SYNPR: variants seen among roughly 807,000 people sequenced by gnomAD.
The protein encoded by SYNPR is synaptoporin.
SYNPR carries 23 observed loss-of-function variants against 32.9 expected under a neutral mutation model. The ratio of observed to expected loss-of-function variants is 0.70; its 90% CI spans 0.50 to 0.99. SYNPR has a LOEUF of 0.99. SYNPR is among the 50% of genes least tolerant of loss of function. The pLI is 0.00. For missense variants in SYNPR, 318 were observed against 349.3 expected (o/e 0.91, Z 0.71); for synonymous variants, 146 against 135.9 (o/e 1.07, Z -0.52).
At chr3:63,430,479 T>C (rs17394170) in intron 2 of SYNPR, among the ~76,000 whole-genome samples, 1 of 151,992 alleles carries the variant, frequency 6.6e-6, no homozygotes, top group African/African-American at 2.4e-5. Flanking sequence ...ACAAACAGTA[T>C]AACTGAAACA....
At chr3:63,382,176 CT>C (rs2087978700) in intron 2 of SYNPR, among the ~76,000 whole-genome samples, 1 of 152,210 alleles carries the variant, frequency 6.6e-6, no homozygotes, top group South Asian at 2.1e-4. Context: ...ACTGATACAA[CT>C]CCAGCAGGAG....
At chr3:63,380,065 A>G (rs1240981368) in intron 2 of SYNPR, among the ~76,000 whole-genome samples, 2 of 151,960 alleles carry the variant, frequency 1.3e-5, no homozygotes, top group South Asian at 2.1e-4. Flanking sequence ...TATGTGCCAC[A>G]TTTTCTTAAT....
At chr3:63,435,731 A>T (rs1161068694) in intron 2 of SYNPR, among the ~76,000 whole-genome samples, 2 of 152,236 alleles carry the variant, frequency 1.3e-5, no homozygotes, top group Non-Finnish European at 2.9e-5. Context: ...TGAATGTACC[A>T]TCTATATTCT....
intron 3 of SYNPR, among the ~76,000 whole-genome samples, chr3:63,528,028 G>C (rs1702046861): frequency 6.6e-6 from 1 of 152,028 alleles, no homozygotes; most frequent in African/African-American, 2.4e-5. Flanking sequence ...AACTCCTGCT[G>C]GTCTCTCACC....
the SYNPR span, chr3:63,203,068 G>GTGTGTATGTATATATATATATATATATA: frequency 1.7e-4 from 18 of 108,538 alleles, no homozygotes; most frequent in African/African-American, 7.8e-4. Context: ...ATATGTATGT[G>GTGTGTATGTATATATATATATATATATA]TATATATATA....
intron 2 of SYNPR, among the ~76,000 whole-genome samples, chr3:63,415,798 C>G (rs11914426): frequency 0.049 from 7,531 of 152,240 alleles, 616 homozygotes; most frequent in African/African-American, 0.17. Context: ...AGGTAATACC[C>G]TTTCCCTGCA....
chr3:63,445,233 A>G (rs768813983), intron 2 of SYNPR, among the ~76,000 whole-genome samples: 82 of 152,346 alleles, frequency 5.4e-4, no homozygotes, highest in Non-Finnish European at 9.1e-4. Context: ...AGGTGGCAGC[A>G]TGCATTCTGC....
At chr3:63,499,552 T>C (rs970224724) in intron 3 of SYNPR, among the ~76,000 whole-genome samples, 15 of 151,994 alleles carry the variant, frequency 9.9e-5, no homozygotes, top group Non-Finnish European at 7.4e-5. Context: ...GCCAAAATTA[T>C]AAGGAAGCAG....
chr3:63,463,644 G>A (rs755356312), intron 2 of SYNPR, among the ~76,000 whole-genome samples: 6 of 152,030 alleles, frequency 3.9e-5, no homozygotes, highest in Non-Finnish European at 5.9e-5. Flanking sequence ...CACCATGTCC[G>A]CATGACAATT....
At chr3:63,234,171 T>G (rs2106875374) in intron 1 of SYNPR, among the ~76,000 whole-genome samples, 1 of 152,194 alleles carries the variant, frequency 6.6e-6, no homozygotes, top group South Asian at 2.1e-4. Context: ...GCAAGTCACG[T>G]CTTACATGGA....
At chr3:63,241,342 C>T (rs1009079283) in intron 1 of SYNPR, among the ~76,000 whole-genome samples, 1 of 152,120 alleles carries the variant, frequency 6.6e-6, no homozygotes, top group Non-Finnish European at 1.5e-5. Context: ...ACCAAGGTAA[C>T]AGGTTCCTGA....
intron 2 of SYNPR, among the ~76,000 whole-genome samples, chr3:63,264,822 T>C (rs577189904): frequency 2.0e-5 from 3 of 151,454 alleles, no homozygotes; most frequent in African/African-American, 2.4e-5. Context: ...AAGGACGGAG[T>C]GAGGGCAAGC....
chr3:63,400,174 C>T (rs919154485), intron 2 of SYNPR, among the ~76,000 whole-genome samples: 2 of 152,210 alleles, frequency 1.3e-5, no homozygotes, highest in Non-Finnish European at 2.9e-5. Context: ...CTAATGGATA[C>T]ATGGGCTTTT....
chr3:63,553,604 CCACCCTGA>C (rs1217803881), intron 3 of SYNPR, among the ~76,000 whole-genome samples: 1 of 152,168 alleles, frequency 6.6e-6, no homozygotes, highest in Non-Finnish European at 1.5e-5. Context: ...TTAAGAATAG[CCACCCTGA>C]CTGGTGTGAG....
At chr3:63,568,188 T>C (rs1163003557) in intron 4 of SYNPR, among the ~76,000 whole-genome samples, 1 of 152,234 alleles carries the variant, frequency 6.6e-6, no homozygotes, top group African/African-American at 2.4e-5. Context: ...ATAGAAGTTA[T>C]ATTGGTTAAT....
At chr3:63,539,328 T>C (rs1211603485) in intron 3 of SYNPR, among the ~76,000 whole-genome samples, 2 of 152,134 alleles carry the variant, frequency 1.3e-5, no homozygotes, top group Non-Finnish European at 2.9e-5. Context: ...CAAGTTTTAA[T>C]TCCTGGGCTC....
At chr3:63,256,029 C>T (rs576467681) in intron 2 of SYNPR, among the ~76,000 whole-genome samples, 15 of 152,300 alleles carry the variant, frequency 9.8e-5, no homozygotes, top group African/African-American at 3.1e-4. Flanking sequence ...GGGAGGGGCG[C>T]CCGCCATTGC....
chr3:63,346,243 G>A (rs1232492658), intron 2 of SYNPR, among the ~76,000 whole-genome samples: 3 of 152,038 alleles, frequency 2.0e-5, no homozygotes, highest in Admixed American at 6.5e-5. Flanking sequence ...GTCTTCCTGT[G>A]ATCCTGTTAC....
At chr3:63,277,074 G>A (rs1398973703), upstream of SYNPR, among the ~76,000 whole-genome samples, 3 of 152,042 alleles carry the variant, frequency 2.0e-5, no homozygotes, top group Non-Finnish European at 4.4e-5. Flanking sequence ...GTAGCTAAGA[G>A]CTCTCCTCTC....
Sources: allele counts gnomAD v4.1 joint callset (sites outside exome capture counted in the v4.1 genomes callset), GRCh38; gene constraint gnomAD v4.1.1; transcripts MANE v1.5; gene names NCBI Gene and HGNC (gene_info 2026-07-23, HGNC 2026-07-21).